CNBD1: variants seen among roughly 807,000 people sequenced by gnomAD.
CNBD1 encodes the protein cyclic nucleotide binding domain containing 1.
Under a neutral mutation model 54.4 loss-of-function variants are expected in CNBD1, and 71 were observed. That is an observed-to-expected ratio of 1.30 (90% CI 1.08 to 1.59). The LOEUF (loss-of-function observed/expected upper bound fraction) is 1.59, where lower values mean the gene tolerates loss of function less well. Among genes scored for constraint, CNBD1 ranks in the 40% most tolerant of loss-of-function variants. CNBD1 has a pLI of 0.00. For synonymous variants in CNBD1, 182 were observed against 170.7 expected, an observed-to-expected ratio of 1.07 and a Z score of -0.51; for missense variants, 659 against 518.0, an observed-to-expected ratio of 1.27 and a Z score of -2.64.
chr8:87,238,707 C>G (rs1807631637), intron 6 of CNBD1, among the ~76,000 whole-genome samples: 1 of 151,900 alleles, frequency 6.6e-6, no homozygotes, highest in African/African-American at 2.4e-5. Context: ...TACCAATTAT[C>G]TACCTACCTA....
intron 10 of CNBD1, among the ~76,000 whole-genome samples, chr8:87,379,261 G>C (rs893435021): frequency 2.2e-4 from 33 of 151,920 alleles, no homozygotes; most frequent in African/African-American, 7.7e-4. Context: ...AAGAGACTTA[G>C]ACTCCCACAC....
rs769862779 is a variant in CNBD1, at chr8:86,887,596, T to C, written c.143T>C (p.Ile48Thr). The change falls in exon 2 of 11, where the codon ATT becomes ACT. Residue 48 changes from isoleucine (I) to threonine (T), a missense_variant. Ile to Thr is a moderately conservative substitution (Grantham distance 89). Coordinates refer to ENST00000518476, the MANE Select transcript of CNBD1 (RefSeq NM_173538.3). The stretch of plus-strand genomic sequence containing the variant: ...GGCCAGTTGAATGCATTATGCCACA[T>C]TAGAGGACAACACAGGTAAGCTATT... ...NYGQLNALCH[I>T]RGQHSRSMSN... 2 of 1,582,060 alleles carry C rather than the reference T, an allele frequency of 1.3e-6. No individual in the cohort carries two copies. Among genetic ancestry groups the C allele is most frequent in the East Asian group, 4.5e-5 (2 of 44,158 alleles).
At chr8:86,889,950 C>T (rs1808743689) in intron 2 of CNBD1, among the ~76,000 whole-genome samples, 1 of 151,786 alleles carries the variant, frequency 6.6e-6, no homozygotes, top group Non-Finnish European at 1.5e-5. Context: ...TAACTATTGT[C>T]TGGAGAGCGG....
intron 4 of CNBD1, among the ~76,000 whole-genome samples, chr8:87,139,923 T>G (rs958033258): frequency 6.6e-6 from 1 of 152,190 alleles, no homozygotes; most frequent in Admixed American, 6.5e-5. Flanking sequence ...TTATTTGGAA[T>G]GGAGGCTTGA....
chr8:87,185,642 C>T (rs535183669), intron 4 of CNBD1, among the ~76,000 whole-genome samples: 1 of 152,284 alleles, frequency 6.6e-6, no homozygotes, highest in South Asian at 2.1e-4. Flanking sequence ...GAAACAAGAA[C>T]TATTCCCAGG....
chr8:87,375,268 A>C (rs537524574), intron 10 of CNBD1, among the ~76,000 whole-genome samples: 23 of 152,038 alleles, frequency 1.5e-4, no homozygotes, highest in Non-Finnish European at 2.4e-4. Context: ...GTTTAGTTAC[A>C]AATTTCCAGG....
chr8:86,942,344 C>T (rs192654871), intron 4 of CNBD1, among the ~76,000 whole-genome samples: 17 of 152,308 alleles, frequency 1.1e-4, no homozygotes, highest in African/African-American at 4.1e-4. Context: ...AATTTAGTAT[C>T]TCTCAGGGTG....
rs761098493 is a variant in CNBD1 at position 87,351,731 on chromosome 8, C to T, written c.1089C>T (p.Asn363=). The T allele has an allele frequency of 1.3e-6, 2 of 1,535,816 alleles. No individual in the cohort carries two copies. The highest frequency in any genetic ancestry group is 1.3e-5 in the South Asian group (1 of 77,648). Residue 363 remains asparagine (N), a synonymous_variant, in exon 9 of 11, where the codon AAC becomes AAT. Transcript: ENST00000518476. ...TAATTTCTTTTGTGGGTTATATTAACTCTGGATGCTGTAACATTTATAGAA... is the reference window on the plus strand; with the variant it reads ...TAATTTCTTTTGTGGGTTATATTAATTCTGGATGCTGTAACATTTATAGAA... ...GNIISFVGYI[N]SGCCNIYRSI...
At chr8:87,199,172 G>A (rs985865995) in intron 4 of CNBD1, among the ~76,000 whole-genome samples, 2 of 152,290 alleles carry the variant, frequency 1.3e-5, no homozygotes, top group African/African-American at 4.8e-5. Context: ...TGAGATTTGG[G>A]CAGGGACAAA....
chr8:87,205,537 C>T (rs995253445), intron 4 of CNBD1, among the ~76,000 whole-genome samples: 22 of 151,972 alleles, frequency 1.4e-4, no homozygotes, highest in Non-Finnish European at 1.5e-5. Flanking sequence ...ACGATTTATA[C>T]CCTTAAGTGT....
chr8:87,015,977 C>CAAAAAAAAA (rs58453987), intron 4 of CNBD1, among the ~76,000 whole-genome samples: 8 of 55,956 alleles, frequency 1.4e-4, no homozygotes, highest in African/African-American at 5.5e-4. Flanking sequence ...GAATCCGTCT[C>CAAAAAAAAA]AAAAAAAAAA....
At chr8:87,305,027 AG>A (rs1396738648) in intron 8 of CNBD1, among the ~76,000 whole-genome samples, 6 of 152,164 alleles carry the variant, frequency 3.9e-5, no homozygotes, top group Non-Finnish European at 8.8e-5. Context: ...TCCTCCAGAA[AG>A]CTCCTAGAAC....
At chr8:87,112,392 T>C (rs1446061245) in intron 4 of CNBD1, among the ~76,000 whole-genome samples, 1 of 152,180 alleles carries the variant, frequency 6.6e-6, no homozygotes, top group Admixed American at 6.5e-5. Flanking sequence ...CCTTCTCTAA[T>C]GTTCTGTAAC....
intron 10 of CNBD1, among the ~76,000 whole-genome samples, chr8:87,377,003 G>A (rs1458194831): frequency 6.9e-6 from 1 of 144,266 alleles, no homozygotes; most frequent in Non-Finnish European, 1.5e-5. Flanking sequence ...ATATTTGTTT[G>A]TTAAATTTAT....
chr8:86,980,031 G>C (rs1358209964), intron 4 of CNBD1, among the ~76,000 whole-genome samples: 2 of 152,254 alleles, frequency 1.3e-5, no homozygotes, highest in Non-Finnish European at 2.9e-5. Context: ...AGTTTTAAAA[G>C]GCAGATTTAT....
At chr8:86,950,937 T>C (rs1421799158) in intron 4 of CNBD1, among the ~76,000 whole-genome samples, 1 of 152,086 alleles carries the variant, frequency 6.6e-6, no homozygotes, top group African/African-American at 2.4e-5. Context: ...TGTTCATTTA[T>C]TCTGTGTTCA....
chr8:87,262,140 T>C, intron 6 of CNBD1, among the ~76,000 whole-genome samples: 1 of 152,082 alleles, frequency 6.6e-6, no homozygotes, highest in South Asian at 2.1e-4. Flanking sequence ...GGTGACAGAC[T>C]GAGACCCTGT....
chr8:87,384,508 G>A (rs10106421), downstream of CNBD1, among the ~76,000 whole-genome samples: 81,633 of 151,880 alleles, frequency 0.54, 22,845 homozygotes, highest in African/African-American at 0.67. Flanking sequence ...GGATCAAGGC[G>A]GATCTCAGTT....
At chr8:87,257,860 T>C (rs552731212) in intron 6 of CNBD1, among the ~76,000 whole-genome samples, 21 of 152,324 alleles carry the variant, frequency 1.4e-4, no homozygotes, top group African/African-American at 4.8e-4. Context: ...ATTTTTGTTC[T>C]ACTTGGGTTA....
Sources: gnomAD v4.1 joint callset for allele counts (sites outside exome capture counted in the v4.1 genomes callset) on GRCh38, gnomAD v4.1.1 for gene constraint, MANE v1.5 for transcripts, NCBI Gene and HGNC (gene_info 2026-07-23, HGNC 2026-07-21) for gene names.